The following GALNTL6 variants were observed in gnomAD, a reference collection of about 807,000 sequenced individuals.
The protein encoded by GALNTL6 is polypeptide N-acetylgalactosaminyltransferase-like 6.
A neutral mutation model predicts 73.7 loss-of-function variants in GALNTL6; 46 were observed. The observed-to-expected ratio is 0.62, with a 90% CI of 0.49 to 0.80. The LOEUF (loss-of-function observed/expected upper bound fraction) is 0.80, where lower values mean the gene tolerates loss of function less well. Among genes scored for constraint, GALNTL6 ranks in the 30% least tolerant of loss-of-function variants. The pLI is 0.00. For missense variants in GALNTL6, 604 were observed against 755.0 expected (o/e 0.80, Z 2.34); for synonymous variants, 259 against 263.7 (o/e 0.98, Z 0.17).
intron 2 of GALNTL6, among the ~76,000 whole-genome samples, chr4:172,201,139 G>A (rs1345397582): frequency 1.3e-5 from 2 of 151,646 alleles, no homozygotes; most frequent in African/African-American, 4.8e-5. Context: ...ATGAAATTAA[G>A]TGGACAGAAT....
intron 5 of GALNTL6, among the ~76,000 whole-genome samples, chr4:172,436,356 C>G (rs1358608303): frequency 6.6e-6 from 1 of 151,980 alleles, no homozygotes; most frequent in Non-Finnish European, 1.5e-5. Context: ...ACCATTCAGT[C>G]CAAGAAGTAA....
At chr4:172,796,114 G>T (rs1740249136) in intron 5 of GALNTL6, among the ~76,000 whole-genome samples, 1 of 151,282 alleles carries the variant, frequency 6.6e-6, no homozygotes, top group African/African-American at 2.4e-5. Context: ...CTTCTTTCCA[G>T]TTTCCTATAT....
At chr4:173,005,534 A>AT (rs77486868) in intron 10 of GALNTL6, among the ~76,000 whole-genome samples, 90,589 of 151,848 alleles carry the variant, frequency 0.6, 28,063 homozygotes, top group South Asian at 0.76. Context: ...ATTTAAAAAA[A>AT]ATATATTATT....
chr4:172,248,293 C>T (rs1021846580), intron 3 of GALNTL6, among the ~76,000 whole-genome samples: 9 of 152,184 alleles, frequency 5.9e-5, no homozygotes, highest in Middle Eastern at 3.2e-3. Flanking sequence ...GCATTAGTAA[C>T]CTCATAGCAG....
At position 172,321,836 on chromosome 4, in the gene GALNTL6, T is replaced by C. The variant is rs189867803; in HGVS notation, c.386+10084T>C. Among the ~76,000 whole-genome samples the C allele has an allele frequency of 9.2e-5, 14 of 152,254 alleles. No individual in the cohort carries two copies. In the East Asian group the frequency reaches 2.7e-3, roughly 29 times the overall value. On this transcript the variant is annotated intron_variant, in intron 4 of 12. Coordinates refer to ENST00000506823, the MANE Select transcript of GALNTL6 (RefSeq NM_001034845.3). Reference sequence around the variant, plus strand: ...CCATCATGTGATGGTCAGGCAGTTATTAAATCTCTCTAAGACAATAATTGG... The same window carrying C: ...CCATCATGTGATGGTCAGGCAGTTACTAAATCTCTCTAAGACAATAATTGG...
At chr4:172,783,712 G>C (rs1383360376) in intron 5 of GALNTL6, among the ~76,000 whole-genome samples, 1 of 151,862 alleles carries the variant, frequency 6.6e-6, no homozygotes, top group East Asian at 1.9e-4. Flanking sequence ...AAAAGAAGTT[G>C]AAATTATCCT....
chr4:172,852,492 C>T (rs1743883380), intron 7 of GALNTL6, among the ~76,000 whole-genome samples: 2 of 152,114 alleles, frequency 1.3e-5, no homozygotes, highest in African/African-American at 4.8e-5. Context: ...TCTGGGTGAG[C>T]AGCCACCTTC....
At chr4:172,671,242 GAATGGCCATT>G (rs1230936138) in intron 5 of GALNTL6, among the ~76,000 whole-genome samples, 6 of 152,186 alleles carry the variant, frequency 3.9e-5, no homozygotes, top group Admixed American at 6.5e-5. Flanking sequence ...GCTTTGGGCA[GAATGGCCATT>G]TTTATGATAT....
chr4:173,020,763 G>A (rs1394714684), intron 11 of GALNTL6, among the ~76,000 whole-genome samples: 1 of 152,178 alleles, frequency 6.6e-6, no homozygotes, highest in African/African-American at 2.4e-5. Context: ...GCTAAATAAA[G>A]ACCGTAGAGT....
intron 5 of GALNTL6, among the ~76,000 whole-genome samples, chr4:172,557,397 G>C (rs1000647658): frequency 6.6e-6 from 1 of 151,946 alleles, no homozygotes; most frequent in African/African-American, 2.4e-5. Flanking sequence ...TGATCAGTTG[G>C]GCTTCCTCAA....
chr4:172,657,255 T>C (rs1325984732), intron 5 of GALNTL6, among the ~76,000 whole-genome samples: 1 of 152,234 alleles, frequency 6.6e-6, no homozygotes, highest in Non-Finnish European at 1.5e-5. Flanking sequence ...GAGCCTGAGC[T>C]GTCTATGATT....
intron 2 of GALNTL6, among the ~76,000 whole-genome samples, chr4:171,984,198 T>C (rs887972250): frequency 1.3e-5 from 2 of 152,110 alleles, no homozygotes; most frequent in Non-Finnish European, 2.9e-5. Flanking sequence ...CACTTTTACA[T>C]TATGCCCTTG....
intron 5 of GALNTL6, among the ~76,000 whole-genome samples, chr4:172,502,767 T>G (rs1171028840): frequency 6.6e-6 from 1 of 152,172 alleles, no homozygotes; most frequent in Non-Finnish European, 1.5e-5. Flanking sequence ...TGGGGTAGAT[T>G]AAACGTTAGC....
intron 5 of GALNTL6, among the ~76,000 whole-genome samples, chr4:172,755,072 AATACT>A (rs933448612): frequency 2.0e-5 from 3 of 152,104 alleles, no homozygotes; most frequent in Non-Finnish European, 4.4e-5. Context: ...CTTACTTACT[AATACT>A]ATTTTTATTC....
At chr4:172,479,714 G>A (rs1056407195) in intron 5 of GALNTL6, among the ~76,000 whole-genome samples, 7 of 152,106 alleles carry the variant, frequency 4.6e-5, no homozygotes, top group African/African-American at 1.7e-4. Context: ...GAAGTAAAAG[G>A]AAAAAGAATC....
chr4:172,919,611 T>C (rs1440041406), intron 8 of GALNTL6, among the ~76,000 whole-genome samples: 1 of 152,210 alleles, frequency 6.6e-6, no homozygotes, highest in East Asian at 1.9e-4. Flanking sequence ...GAAAGTCAAC[T>C]TTTTAAAAAT....
intron 5 of GALNTL6, among the ~76,000 whole-genome samples, chr4:172,381,588 G>T (rs961695650): frequency 2.0e-5 from 3 of 152,034 alleles, no homozygotes; most frequent in Non-Finnish European, 4.4e-5. Flanking sequence ...TCATTTTGTA[G>T]CATGTATCAA....
In GALNTL6 at chr4:172,507,817, A is replaced by T. The variant is rs1171591716; in HGVS notation, c.553+159128A>T. ...AGCACCAGCAAATTGCTTGGTACATAATAGGCCCTCAATAAATATTTTTTA... is the reference window on the plus strand; with the variant it reads ...AGCACCAGCAAATTGCTTGGTACATTATAGGCCCTCAATAAATATTTTTTA... On this transcript the variant is annotated intron_variant, in intron 5 of 12. Coordinates refer to ENST00000506823, the MANE Select transcript of GALNTL6 (RefSeq NM_001034845.3). 3.6e-5 allele frequency among the ~76,000 whole-genome samples: 2 copies of T among 55,298 alleles called. 1 individual carries two copies. Among genetic ancestry groups the T allele is most frequent in the African/African-American group, 9.0e-5 (2 of 22,160 alleles). The allele number at this position is 55,298 out of a possible 152,430, so 36.3% of individuals were successfully genotyped here. A position where few individuals can be genotyped will look rare whatever the true frequency, so the allele number is the denominator to read the frequency against.
At chr4:172,537,823 A>T (rs1000663048) in intron 5 of GALNTL6, among the ~76,000 whole-genome samples, 1 of 152,232 alleles carries the variant, frequency 6.6e-6, no homozygotes, top group Non-Finnish European at 1.5e-5. Context: ...AACCAAGATA[A>T]CAGAAGATTT....
Sources: gnomAD v4.1 joint callset for allele counts (sites outside exome capture counted in the v4.1 genomes callset) on GRCh38, gnomAD v4.1.1 for gene constraint, MANE v1.5 for transcripts, NCBI Gene and HGNC (gene_info 2026-07-23, HGNC 2026-07-21) for gene names.